Variants in SETBP1 observed in about 807,000 individuals in gnomAD.
SETBP1 encodes SET-binding protein.
SETBP1 carries 9 observed loss-of-function variants against 101.0 expected under a neutral mutation model. The ratio of observed to expected loss-of-function variants is 0.09; its 90% CI spans 0.05 to 0.16. The LOEUF (loss-of-function observed/expected upper bound fraction) is 0.16. Ranked by LOEUF, SETBP1 falls within the 10% of genes least tolerant of loss-of-function variation. SETBP1 has a pLI of 1.00. For missense variants in SETBP1, 1,858 were observed against 2,033.8 expected, an observed-to-expected ratio of 0.91 and a Z score of 1.66; for synonymous variants, 818 against 788.5, an observed-to-expected ratio of 1.04 and a Z score of -0.63.
chr18:44,959,249 T>G (rs964064046), intron 4 of SETBP1, among the ~76,000 whole-genome samples: 1 of 152,146 alleles, frequency 6.6e-6, no homozygotes, highest in Non-Finnish European at 1.5e-5. Context: ...GCTGGAGAAA[T>G]CAGGAAGCAT....
intron 3 of SETBP1, among the ~76,000 whole-genome samples, chr18:44,873,938 C>T (rs1339778572): frequency 2.0e-5 from 3 of 152,132 alleles, no homozygotes; most frequent in Non-Finnish European, 2.9e-5. Context: ...GTAAATATCT[C>T]CATCATGACC....
intron 2 of SETBP1, among the ~76,000 whole-genome samples, chr18:44,821,873 T>C: frequency 6.6e-6 from 1 of 152,194 alleles, no homozygotes; most frequent in East Asian, 1.9e-4. Flanking sequence ...TTGTGTGCTG[T>C]CCGTAGCTAG....
chr18:44,996,201 A>T (rs1376007431), intron 4 of SETBP1, among the ~76,000 whole-genome samples: 1 of 152,206 alleles, frequency 6.6e-6, no homozygotes, highest in African/African-American at 2.4e-5. Context: ...CAGAGAATAC[A>T]TGTTTCAATG....
intron 3 of SETBP1, among the ~76,000 whole-genome samples, chr18:44,902,261 A>G (rs1475111173): frequency 6.6e-6 from 1 of 151,968 alleles, no homozygotes; most frequent in African/African-American, 2.4e-5. Flanking sequence ...TCTGTCTCTT[A>G]CAATTTATAG....
chr18:44,698,541 C>A (rs1445366291), intron 1 of SETBP1, among the ~76,000 whole-genome samples: 1 of 152,166 alleles, frequency 6.6e-6, no homozygotes, highest in African/African-American at 2.4e-5. Context: ...CAGGACGTGG[C>A]CTCACGTCTT....
chr18:44,978,772 G>T lies in SETBP1; in HGVS notation c.4000+25432G>T, dbSNP rs1472175621. 2.0e-5 allele frequency among the ~76,000 whole-genome samples: 3 copies of T among 152,154 alleles called. No homozygotes were observed. In the East Asian group the frequency reaches 5.8e-4, roughly 29 times the overall value. Reference sequence around the variant, plus strand: ...CTGTTTCCTGCACTGCAGACATGGGGTGGCTGCCCATGATGGCCTGCAGTG... The same window carrying T: ...CTGTTTCCTGCACTGCAGACATGGGTTGGCTGCCCATGATGGCCTGCAGTG... On this transcript the variant is annotated intron_variant, in intron 4 of 5. Transcript: ENST00000649279.
At chr18:44,713,899 T>C (rs1402969450) in intron 2 of SETBP1, among the ~76,000 whole-genome samples, 3 of 152,238 alleles carry the variant, frequency 2.0e-5, no homozygotes, top group Non-Finnish European at 4.4e-5. Flanking sequence ...AGTGACTACA[T>C]AGAAGGCACA....
intron 3 of SETBP1, among the ~76,000 whole-genome samples, chr18:44,935,966 GT>G (rs1318825136): frequency 6.6e-6 from 1 of 152,224 alleles, no homozygotes; most frequent in Non-Finnish European, 1.5e-5. Context: ...ACAAGAATGT[GT>G]TATGTTTCTT....
At chr18:44,941,750 C>A (rs2071092134) in intron 3 of SETBP1, among the ~76,000 whole-genome samples, 1 of 151,850 alleles carries the variant, frequency 6.6e-6, no homozygotes, top group African/African-American at 2.4e-5. Context: ...ATCTGTTAAG[C>A]AACTCCAGTG....
At chr18:45,044,346 G>C (rs190699764) in intron 5 of SETBP1, among the ~76,000 whole-genome samples, 2 of 152,228 alleles carry the variant, frequency 1.3e-5, no homozygotes, top group African/African-American at 4.8e-5. Flanking sequence ...GCTACCTATG[G>C]GCTCATGCTG....
At chr18:44,888,531 A>T (rs1390041555) in intron 3 of SETBP1, among the ~76,000 whole-genome samples, 1 of 152,180 alleles carries the variant, frequency 6.6e-6, no homozygotes, top group African/African-American at 2.4e-5. Flanking sequence ...AAGCAAATGT[A>T]GCAGATAAGA....
chr18:44,819,462 T>C (rs1450220550), intron 2 of SETBP1, among the ~76,000 whole-genome samples: 3 of 152,214 alleles, frequency 2.0e-5, no homozygotes. Flanking sequence ...AAAACATTTT[T>C]GAAAGTAGGT....
At chr18:44,852,994 C>G (rs1174645868) in intron 2 of SETBP1, among the ~76,000 whole-genome samples, 1 of 152,162 alleles carries the variant, frequency 6.6e-6, no homozygotes, top group Non-Finnish European at 1.5e-5. Context: ...AACCCCAAAG[C>G]CAAGAGTCCT....
intron 3 of SETBP1, among the ~76,000 whole-genome samples, chr18:44,885,509 T>C (rs2069621474): frequency 6.6e-6 from 1 of 152,050 alleles, no homozygotes; most frequent in Admixed American, 6.6e-5. Context: ...TGTTTCTAAT[T>C]CAATATGTGC....
intron 2 of SETBP1, among the ~76,000 whole-genome samples, chr18:44,803,105 G>A (rs763508560): frequency 6.6e-6 from 1 of 152,090 alleles, no homozygotes; most frequent in East Asian, 1.9e-4. Flanking sequence ...ATAAGGTAAG[G>A]GCCAATATTT....
chr18:44,905,370 C>T (rs1216138947), intron 3 of SETBP1, among the ~76,000 whole-genome samples: 1 of 152,094 alleles, frequency 6.6e-6, no homozygotes, highest in Non-Finnish European at 1.5e-5. Flanking sequence ...GTTACAGAAG[C>T]TTGAATGGTG....
At chr18:44,994,979 G>A (rs942554143) in intron 4 of SETBP1, among the ~76,000 whole-genome samples, 3 of 151,934 alleles carry the variant, frequency 2.0e-5, no homozygotes, top group African/African-American at 7.3e-5. Flanking sequence ...CCCAGGTGTG[G>A]GAATTCACCT....
chr18:44,963,337 TGGA>T (rs2071651645), intron 4 of SETBP1, among the ~76,000 whole-genome samples: 5 of 152,152 alleles, frequency 3.3e-5, no homozygotes, highest in African/African-American at 4.8e-5. Context: ...GGGAGCTCTT[TGGA>T]ACTGGGGTTA....
chr18:44,700,300 G>C (rs185664704), intron 1 of SETBP1, among the ~76,000 whole-genome samples: 1 of 152,024 alleles, frequency 6.6e-6, no homozygotes, highest in Non-Finnish European at 1.5e-5. Context: ...ATCCTGGGGG[G>C]ACTCCTGACA....
Sources: allele counts gnomAD v4.1 joint callset (sites outside exome capture counted in the v4.1 genomes callset), GRCh38; gene constraint gnomAD v4.1.1; transcripts MANE v1.5; gene names NCBI Gene and HGNC (gene_info 2026-07-23, HGNC 2026-07-21).